Variants in ATP9A observed in about 807,000 individuals in gnomAD.
ATP9A encodes the protein ATPase phospholipid transporting 9A, also known as probable phospholipid-transporting ATPase IIA.
ATP9A carries 52 observed loss-of-function variants against 144.1 expected under a neutral mutation model. The observed-to-expected ratio is 0.36, with a 90% CI of 0.29 to 0.45. The LOEUF is 0.45. ATP9A is among the 20% of genes least tolerant of loss of function. The pLI is 1.00. For synonymous variants in ATP9A, 582 were observed against 557.4 expected, an observed-to-expected ratio of 1.04 and a Z score of -0.62; for missense variants, 947 against 1,392.7, an observed-to-expected ratio of 0.68 and a Z score of 5.09.
intron 19 of ATP9A, among the ~76,000 whole-genome samples, chr20:51,621,050 G>C (rs1461293670): frequency 6.6e-6 from 1 of 151,690 alleles, no homozygotes; most frequent in East Asian, 1.9e-4. Context: ...GGGAGGCTGA[G>C]GCAGAAGAAT....
intron 1 of ATP9A, among the ~76,000 whole-genome samples, chr20:51,746,447 C>G (rs991107227): frequency 1.3e-5 from 2 of 152,170 alleles, no homozygotes; most frequent in Non-Finnish European, 2.9e-5. Context: ...GCCTGTAATC[C>G]CAGAACTTTG....
intron 1 of ATP9A, among the ~76,000 whole-genome samples, chr20:51,758,658 G>A (rs949635755): frequency 6.6e-6 from 1 of 152,148 alleles, no homozygotes; most frequent in African/African-American, 2.4e-5. Flanking sequence ...TGGGCGCAGT[G>A]GCTTATGCTT....
At position 51,642,726 on chromosome 20, in the gene ATP9A, C is replaced by CA. The variant is rs778440862; in HGVS notation, c.1507-3223dup. On this transcript the variant is annotated intron_variant, in intron 14 of 27. Coordinates refer to ENST00000338821, the MANE Select transcript of ATP9A (RefSeq NM_006045.3). ...GGGTGACTGAGTGAGACTCTGTCTC[C>CA]AAAAAAAAAAAAAAAAAAAAAAAAA... 3.3e-3 allele frequency among the ~76,000 whole-genome samples: 102 copies of CA among 31,140 alleles called. 11 individuals are homozygous for CA. The highest frequency in any genetic ancestry group is 7.7e-3 in the African/African-American group (86 of 11,180). 20.4% of individuals were successfully genotyped at this position (31,140 alleles called of 152,430 possible). A position where few individuals can be genotyped will look rare whatever the true frequency, so the allele number is the denominator to read the frequency against.
intron 9 of ATP9A, among the ~76,000 whole-genome samples, chr20:51,677,176 C>T (rs1353636520): frequency 6.6e-6 from 1 of 151,814 alleles, no homozygotes; most frequent in African/African-American, 2.4e-5. Flanking sequence ...TCAAGTGATC[C>T]TCCCACCTTG....
At chr20:51,725,728 A>G in intron 3 of ATP9A, 91 bp downstream of exon 3, 1 of 877,960 alleles carries the variant, frequency 1.1e-6, no homozygotes, top group Non-Finnish European at 1.9e-6. Context: ...CAAGGCCACC[A>G]TCCCATTCCA....
intron 1 of ATP9A, among the ~76,000 whole-genome samples, chr20:51,764,015 C>A (rs1040143376): frequency 3.9e-5 from 6 of 152,166 alleles, no homozygotes; most frequent in Non-Finnish European, 8.8e-5. Context: ...ACACTGTAGA[C>A]CCCAACGGTA....
At chr20:51,602,497 G>C (rs977185269) in intron 27 of ATP9A, among the ~76,000 whole-genome samples, 1 of 152,152 alleles carries the variant, frequency 6.6e-6, no homozygotes, top group South Asian at 2.1e-4. Flanking sequence ...GCACATACTA[G>C]GTCTCACAAA....
chr20:51,607,878 T>G (rs866221043), intron 25 of ATP9A, among the ~76,000 whole-genome samples: 3 of 151,920 alleles, frequency 2.0e-5, no homozygotes, highest in Admixed American at 6.6e-5. Context: ...ACCTCCTCTT[T>G]ACTAAAAATA....
intron 21 of ATP9A, 67 bp downstream of exon 21, chr20:51,618,595 C>A: frequency 6.5e-7 from 1 of 1,540,152 alleles, no homozygotes. Context: ...GTCCAAATAT[C>A]CTTAGGGAAA....
At chr20:51,753,242 T>C (rs2077840377) in intron 1 of ATP9A, among the ~76,000 whole-genome samples, 1 of 152,174 alleles carries the variant, frequency 6.6e-6, no homozygotes, top group Non-Finnish European at 1.5e-5. Flanking sequence ...TATGCTGTCA[T>C]TCAAAATGTC....
chr20:51,698,866 A>T (rs1276827332), intron 4 of ATP9A, among the ~76,000 whole-genome samples: 1 of 152,172 alleles, frequency 6.6e-6, no homozygotes, highest in African/African-American at 2.4e-5. Flanking sequence ...TGAAAGTGGA[A>T]GGGGCCAGTT....
In ATP9A at chr20:51,611,433, C is replaced by G. The variant is rs1313788574; in HGVS notation, c.2572-1268G>C. 6.6e-6 allele frequency among the ~76,000 whole-genome samples: 1 copy of G among 152,172 alleles called. No individual in the cohort carries two copies. The highest frequency in any genetic ancestry group is 6.5e-5 in the Admixed American group (1 of 15,284). ...AGACCAGTATCAGGAGCCCCTTCCT[C>G]TAAAAGGGTCATCCTAACCACAAAG... On this transcript the variant is annotated intron_variant, in intron 23 of 27. Transcript: ENST00000338821. This position sits in a 1 kb window ranked among gnomAD's most constrained non-coding sequence, Gnocchi z 4.2.
At chr20:51,752,058 A>C (rs1268096836) in intron 1 of ATP9A, among the ~76,000 whole-genome samples, 2 of 148,514 alleles carry the variant, frequency 1.3e-5, no homozygotes, top group East Asian at 4.0e-4. Context: ...AACAACAAAA[A>C]AAAAAAAACA....
intron 22 of ATP9A, among the ~76,000 whole-genome samples, chr20:51,616,858 A>G (rs1341551021): frequency 6.6e-6 from 1 of 152,138 alleles, no homozygotes; most frequent in Non-Finnish European, 1.5e-5. Flanking sequence ...ACAGAGCAGG[A>G]TAACTAATGC....
chr20:51,721,103 C>T (rs758937026), intron 3 of ATP9A, among the ~76,000 whole-genome samples: 30 of 152,218 alleles, frequency 2.0e-4, no homozygotes, highest in Non-Finnish European at 3.5e-4. Flanking sequence ...TTCCTCTTCT[C>T]AGGGCAAGAG....
intron 1 of ATP9A, among the ~76,000 whole-genome samples, chr20:51,731,773 G>C (rs543865128): frequency 6.6e-6 from 1 of 151,740 alleles, no homozygotes; most frequent in Non-Finnish European, 1.5e-5. Flanking sequence ...TTGCAGAGAC[G>C]TAAGAAACAG....
chr20:51,636,485 C>T (rs1403367733), intron 15 of ATP9A, among the ~76,000 whole-genome samples: 1 of 152,112 alleles, frequency 6.6e-6, no homozygotes, highest in African/African-American at 2.4e-5. Flanking sequence ...AATATCCCAC[C>T]CTAACATTAC....
chr20:51,662,683 C>T (rs1164894446), intron 13 of ATP9A, among the ~76,000 whole-genome samples: 1 of 151,770 alleles, frequency 6.6e-6, no homozygotes, highest in Non-Finnish European at 1.5e-5. Flanking sequence ...CCATTAAAAA[C>T]CTTGACATGA....
At chr20:51,750,364 T>C (rs1237604171) in intron 1 of ATP9A, among the ~76,000 whole-genome samples, 2 of 152,032 alleles carry the variant, frequency 1.3e-5, no homozygotes, top group South Asian at 2.1e-4. Context: ...CATGCCCCAG[T>C]GCCCAGCACT....
Sources: gnomAD v4.1 joint callset for allele counts (sites outside exome capture counted in the v4.1 genomes callset) on GRCh38, gnomAD v4.1.1 for gene constraint, Gnocchi (gnomAD v3.1) non-coding constraint, MANE v1.5 for transcripts, NCBI Gene and HGNC (gene_info 2026-07-23, HGNC 2026-07-21) for gene names.